Variants in PRKX observed in about 807,000 individuals in gnomAD.
PRKX encodes the protein protein kinase cAMP-dependent X-linked catalytic subunit.
Under a neutral mutation model 22.0 loss-of-function variants are expected in PRKX, and 12 were observed. That is an observed-to-expected ratio of 0.54 (90% CI 0.35 to 0.88). PRKX has a LOEUF of 0.88. PRKX is among the 40% of genes least tolerant of loss of function. The probability of loss-of-function intolerance (pLI) is 0.01; values close to 1 mark genes in which losing one functional copy is unlikely to be tolerated. For missense variants in PRKX, 217 were observed against 308.0 expected, an observed-to-expected ratio of 0.70 and a Z score of 2.21; for synonymous variants, 134 against 137.7, an observed-to-expected ratio of 0.97 and a Z score of 0.19.
rs58698248 is a variant in PRKX, at chrX:3,648,606, C to CTGTGTGTGTGTGTGTGTG, written c.599+6525_599+6542dup. Among the ~76,000 whole-genome samples, 9 of 72,262 alleles carry CTGTGTGTGTGTGTGTGTG rather than the reference C, an allele frequency of 1.2e-4. 1 individual carries two copies. Among genetic ancestry groups the CTGTGTGTGTGTGTGTGTG allele is most frequent in the East Asian group, 8.8e-4 (2 of 2,269 alleles). 62.8% of individuals were successfully genotyped at this position (72,262 alleles called of 115,157 possible). A position where few individuals can be genotyped will look rare whatever the true frequency, so the allele number is the denominator to read the frequency against. ...TCAATGTGAATTACTCTCTCTACTC[C>CTGTGTGTGTGTGTGTGTG]TGTGTGTGTGTGTGTGTGTGTGTGT... On this transcript the variant is annotated intron_variant, in intron 3 of 8. Transcript: ENST00000262848.
At chrX:3,708,243 G>A (rs757523409) in intron 1 of PRKX, among the ~76,000 whole-genome samples, 2 of 111,200 alleles carry the variant, frequency 1.8e-5, no homozygotes, top group Middle Eastern at 4.6e-3. Flanking sequence ...CAGGAAGCAG[G>A]TCCCCACCAG....
At chrX:3,635,744 C>T (rs771276503) in intron 4 of PRKX, among the ~76,000 whole-genome samples, 3 of 111,727 alleles carry the variant, frequency 2.7e-5, no homozygotes, top group Non-Finnish European at 1.9e-5. Context: ...CATACAACCA[C>T]ACCCAGCTAG....
chrX:3,700,026 T>TA (rs755982702), intron 1 of PRKX, among the ~76,000 whole-genome samples: 3 of 110,285 alleles, frequency 2.7e-5, no homozygotes, highest in African/African-American at 6.6e-5. Context: ...AAGAGAAACT[T>TA]AAAAAAAAGC....
rs751064107 is a variant in PRKX, at chrX:3,666,458, G to A, written c.335+8140C>T. Among the ~76,000 whole-genome samples the A allele has an allele frequency of 2.7e-5, 3 of 111,285 alleles. No individual in the cohort carries two copies. In the South Asian group the frequency reaches 1.2e-3, roughly 43 times the overall value. On this transcript the variant is annotated intron_variant, in intron 2 of 8. Transcript: ENST00000262848. The stretch of plus-strand genomic sequence containing the variant: ...GGCGTGAGCCACCACGCCCAGCCGT[G>A]AACTGTACATTTTAAAAATGGTTAA...
rs1928827364 is a variant in PRKX, at chrX:3,713,101, C to A, written c.153G>T (p.Thr51=). ...GCACTCACTCACCCACGGTGGCCAG[C>A]GTGTCAAAGTCCTGCAGGCTGTACA... ...PPVYSLQDFD[T]LATVGTGTFG... Residue 51 remains threonine (T), a synonymous_variant, in exon 1 of 9, where the codon ACG becomes ACT. Coordinates refer to ENST00000262848, the MANE Select transcript of PRKX (RefSeq NM_005044.5). The A allele has an allele frequency of 7.7e-6, 9 of 1,167,199 alleles. No individual in the cohort carries two copies. Among genetic ancestry groups the A allele is most frequent in the Non-Finnish European group, 9.1e-6 (8 of 876,342 alleles).
intron 4 of PRKX, among the ~76,000 whole-genome samples, chrX:3,628,182 T>C (rs1307455975): frequency 9.1e-6 from 1 of 110,335 alleles, no homozygotes. Flanking sequence ...TACTCATACA[T>C]GAAAGCTAAA....
chrX:3,652,157 A>G (rs762480576), intron 3 of PRKX, among the ~76,000 whole-genome samples: 7 of 110,794 alleles, frequency 6.3e-5, no homozygotes, highest in South Asian at 3.8e-4. Context: ...GGTGGCTCAC[A>G]CCTGTAATCC....
intron 1 of PRKX, among the ~76,000 whole-genome samples, chrX:3,709,851 C>T (rs1196092331): frequency 9.1e-6 from 1 of 110,004 alleles, no homozygotes; most frequent in Admixed American, 9.7e-5. Flanking sequence ...TACGGTGGCG[C>T]GATTGTGGTT....
rs181462141 is a variant in PRKX at position 3,684,927 on chromosome X, C to T, written c.167-10161G>A. 2.4e-4 allele frequency among the ~76,000 whole-genome samples: 27 copies of T among 112,165 alleles called. No individual in the cohort carries two copies. The East Asian group carries it at 5.6e-3, about 23-fold the overall frequency. On this transcript the variant is annotated intron_variant, in intron 1 of 8. Transcript: ENST00000262848. ...CACCTCCTGGGTTCAAGCGATCCTC[C>T]GGCCTCAGCCTCCCAAGTAGCTGGG...
Position 3,626,408 on chromosome X carries a change from G to A in PRKX, c.815+11C>T. 3.4e-6 allele frequency: 4 copies of A among 1,186,694 alleles called. No individual in the cohort carries two copies. The highest frequency in any genetic ancestry group is 2.3e-6 in the Non-Finnish European group (2 of 873,422). On this transcript the variant is annotated intron_variant, in intron 5 of 8. Transcript: ENST00000262848. ...AAACACACCTCATGATGAGGCAAAC[G>A]GTTTACTTACTTTACATGGAAATCC...
At chrX:3,612,616 C>T (rs1253528900) in intron 7 of PRKX, among the ~76,000 whole-genome samples, 1 of 109,544 alleles carries the variant, frequency 9.1e-6, no homozygotes, top group Non-Finnish European at 1.9e-5. Context: ...AGGGAGTCCC[C>T]TGTCTCTACA....
intron 3 of PRKX, among the ~76,000 whole-genome samples, chrX:3,648,805 A>G (rs1927250239): frequency 9.0e-6 from 1 of 110,556 alleles, no homozygotes; most frequent in African/African-American, 3.3e-5. Flanking sequence ...TGCACCTGGC[A>G]TGGTGGCTCA....
intron 1 of PRKX, among the ~76,000 whole-genome samples, chrX:3,703,964 A>G (rs1183710669): frequency 9.1e-6 from 1 of 110,065 alleles, no homozygotes; most frequent in African/African-American, 3.3e-5. Context: ...GAGCCCCCAC[A>G]CCCGGCCTCT....
intron 6 of PRKX, among the ~76,000 whole-genome samples, chrX:3,619,892 G>A (rs60200545): frequency 0.045 from 5,056 of 111,469 alleles, 267 homozygotes; most frequent in African/African-American, 0.15. Context: ...GGGTCAAGAC[G>A]TATATGGAAG....
chrX:3,613,898 G>C (rs1244952509), intron 7 of PRKX, among the ~76,000 whole-genome samples: 4 of 100,475 alleles, frequency 4.0e-5, no homozygotes, highest in Non-Finnish European at 8.0e-5. Flanking sequence ...ATCATCCCAG[G>C]CTCCAGCCCC....
At chrX:3,688,368 C>A (rs1273749533) in intron 1 of PRKX, among the ~76,000 whole-genome samples, 2 of 103,245 alleles carry the variant, frequency 1.9e-5, no homozygotes, top group Non-Finnish European at 4.0e-5. Context: ...ATTGCTTAAA[C>A]CTGGGAAGCG....
chrX:3,615,885 G>T lies in PRKX; in HGVS notation c.881C>A (p.Ala294Glu). Reference sequence around the variant, plus strand: ...CCACCGATGATGCTTCACATCATTCGCCCCGTTCTTCAAAAGAAACAACAC... The same window carrying T: ...CCACCGATGATGCTTCACATCATTCTCCCCGTTCTTCAAAAGAAACAACAC... The part of the protein sequence containing the change: ...TRRLGNMKNG[A>E]NDVKHHRWFR... Residue 294 changes from alanine (A) to glutamate (E), a missense_variant, in exon 7 of 9, where the codon GCG becomes GAG. Transcript: ENST00000262848. The T allele has an allele frequency of 8.3e-7, 1 of 1,207,133 alleles. No homozygotes were observed.
intron 8 of PRKX, 44 bp downstream of exon 8, chrX:3,612,132 CG>C: frequency 8.8e-7 from 1 of 1,130,229 alleles, no homozygotes; most frequent in African/African-American, 1.8e-5. Context: ...GATGTGGGGT[CG>C]AGTCAGTCTC....
At chrX:3,661,559 G>A (rs1473790674) in intron 2 of PRKX, among the ~76,000 whole-genome samples, 2 of 108,214 alleles carry the variant, frequency 1.8e-5, no homozygotes, top group Non-Finnish European at 3.8e-5. Flanking sequence ...CTGAACCTCT[G>A]CACTCCAGCC....
Sources: gnomAD v4.1 joint callset for allele counts (sites outside exome capture counted in the v4.1 genomes callset) on GRCh38, gnomAD v4.1.1 for gene constraint, MANE v1.5 for transcripts, NCBI Gene and HGNC (gene_info 2026-07-23, HGNC 2026-07-21) for gene names.